Variants in SLC9A7 observed in about 807,000 individuals in gnomAD.
SLC9A7 encodes solute carrier family 9 member A7.
SLC9A7 carries 19 observed loss-of-function variants against 52.6 expected under a neutral mutation model. That is an observed-to-expected ratio of 0.36 (90% CI 0.25 to 0.53). SLC9A7 has a LOEUF of 0.53. Among genes scored for constraint, SLC9A7 ranks in the 20% least tolerant of loss-of-function variants. The pLI is 0.91. For synonymous variants in SLC9A7, 226 were observed against 252.1 expected (o/e 0.90, Z 0.98); for missense variants, 455 against 597.9 (o/e 0.76, Z 2.49).
intron 1 of SLC9A7, among the ~76,000 whole-genome samples, chrX:46,749,024 A>G (rs989539804): frequency 8.9e-6 from 1 of 112,138 alleles, no homozygotes; most frequent in Non-Finnish European, 1.9e-5. Context: ...TTTTCTGCAA[A>G]CACACATTAT....
chrX:46,698,667 C>T (rs1944484868), intron 1 of SLC9A7, among the ~76,000 whole-genome samples: 1 of 112,109 alleles, frequency 8.9e-6, no homozygotes, highest in African/African-American at 3.2e-5. Flanking sequence ...TTAGCTATTA[C>T]CATGGATTTA....
Position 46,675,981 on chromosome X carries a change from C to T in SLC9A7, c.604-3354G>A, listed in dbSNP as rs1944112129. 2.7e-5 allele frequency among the ~76,000 whole-genome samples: 3 copies of T among 112,193 alleles called. No individual in the cohort carries two copies. The South Asian group carries it at 1.1e-3, about 42-fold the overall frequency. On this transcript the variant is annotated intron_variant, in intron 3 of 16. Transcript: ENST00000616978. ...ATGGAGGTTCCTGGACGGTGGTGTC[C>T]CGGGAGGGCATGGAAGTTCCGTGCC...
intron 5 of SLC9A7, among the ~76,000 whole-genome samples, 157 bp from the exon 6 acceptor site, chrX:46,662,800 T>A (rs1459059687): frequency 1.8e-5 from 2 of 111,921 alleles, no homozygotes; most frequent in African/African-American, 6.5e-5. Flanking sequence ...GTGGCAGAAA[T>A]GAAAACCGCA....
chrX:46,632,526 T>TC (rs748453629), intron 13 of SLC9A7, among the ~76,000 whole-genome samples: 1 of 111,219 alleles, frequency 9.0e-6, no homozygotes, highest in African/African-American at 3.3e-5. Context: ...GGATTCTTCA[T>TC]CCCCCCACAA....
chrX:46,611,617 C>G (rs773591311), intron 16 of SLC9A7, among the ~76,000 whole-genome samples: 26 of 112,944 alleles, frequency 2.3e-4, no homozygotes, highest in African/African-American at 8.0e-4. Context: ...AGTAGCCCAG[C>G]TGAGTTTCCC....
Position 46,607,184 on chromosome X carries a change from T to G in SLC9A7, c.1949A>C (p.Glu650Ala), listed in dbSNP as rs905020086. ...GGTCAGGATGAAATCAGAGTCTTCCTCTCTCAGTGGCTCTTGGTTCTGAAA... is the reference window on the plus strand; with the variant it reads ...GGTCAGGATGAAATCAGAGTCTTCCGCTCTCAGTGGCTCTTGGTTCTGAAA... ...QVYDNQEPLR[E>A]EDSDFILTEG... The change falls in exon 17 of 17, where the codon GAG becomes GCG. Residue 650 changes from glutamate to alanine, a missense_variant. Coordinates refer to ENST00000616978, the MANE Select transcript of SLC9A7 (RefSeq NM_001257291.2). 2.5e-6 allele frequency: 3 copies of G among 1,208,111 alleles called. No individual in the cohort carries two copies. The African/African-American group carries it at 5.3e-5, about 21-fold the overall frequency.
intron 1 of SLC9A7, among the ~76,000 whole-genome samples, chrX:46,734,665 A>G (rs1945093857): frequency 9.0e-6 from 1 of 111,681 alleles, no homozygotes; most frequent in African/African-American, 3.3e-5. Context: ...ACTCTTCTAC[A>G]AGAAATGGCC....
At chrX:46,691,524 C>A (rs1944380853) in intron 1 of SLC9A7, among the ~76,000 whole-genome samples, 1 of 112,025 alleles carries the variant, frequency 8.9e-6, no homozygotes, top group African/African-American at 3.2e-5. Context: ...CTGCTCATTT[C>A]TAAAATTGGG....
chrX:46,758,631 A>G, intron 1 of SLC9A7, 74 bp downstream of exon 1: 2 of 650,882 alleles, frequency 3.1e-6, no homozygotes, highest in Non-Finnish European at 4.4e-6. Flanking sequence ...GTGAAGGGGG[A>G]GCACCGCGCG....
chrX:46,620,661 C>G (rs1042024617), intron 15 of SLC9A7, among the ~76,000 whole-genome samples: 2 of 111,243 alleles, frequency 1.8e-5, no homozygotes, highest in African/African-American at 6.5e-5. Context: ...GACCACAGCA[C>G]GATTCATTGC....
intron 1 of SLC9A7, among the ~76,000 whole-genome samples, chrX:46,722,766 T>C (rs1944879656): frequency 8.9e-6 from 1 of 112,042 alleles, no homozygotes; most frequent in Non-Finnish European, 1.9e-5. Context: ...ACACAAGTTC[T>C]ATTGTGGGCT....
rs1172019530 is a variant in SLC9A7, at chrX:46,599,532, A to T, written c.*7420T>A. The stretch of plus-strand genomic sequence containing the variant: ...TTTAAAAAAAGAAAAGCTTTGAGAA[A>T]ATGTGTTAAATATCAGTAAAGGGCA... On this transcript the variant is annotated 3_prime_UTR_variant, in exon 17 of 17. Coordinates refer to ENST00000616978, the MANE Select transcript of SLC9A7 (RefSeq NM_001257291.2). 8.9e-6 allele frequency: 1 copy of T among 112,212 alleles called. No individual in the cohort carries two copies. Among genetic ancestry groups the T allele is most frequent in the Non-Finnish European group, 1.9e-5 (1 of 53,294 alleles). 9.2% of individuals were successfully genotyped at this position (112,212 alleles called of 1,213,427 possible).
chrX:46,636,572 A>C (rs1313930692), intron 12 of SLC9A7, among the ~76,000 whole-genome samples: 1 of 109,943 alleles, frequency 9.1e-6, no homozygotes, highest in African/African-American at 3.3e-5. Flanking sequence ...AAATCACTGC[A>C]CTGAACCACG....
chrX:46,730,000 A>G (rs1486139102), intron 1 of SLC9A7, among the ~76,000 whole-genome samples: 2 of 111,738 alleles, frequency 1.8e-5, no homozygotes, highest in Non-Finnish European at 3.8e-5. Flanking sequence ...TAAAATAGTT[A>G]TTCAGTAGCT....
chrX:46,666,159 T>C (rs1199886624), intron 5 of SLC9A7, among the ~76,000 whole-genome samples: 5 of 111,944 alleles, frequency 4.5e-5, no homozygotes, highest in Non-Finnish European at 9.4e-5. Flanking sequence ...CAGGCTGGAG[T>C]GCAGTGGTGC....
At chrX:46,709,789 T>C (rs757220018) in intron 1 of SLC9A7, among the ~76,000 whole-genome samples, 1 of 112,359 alleles carries the variant, frequency 8.9e-6, no homozygotes, top group African/African-American at 3.2e-5. Flanking sequence ...GTTTATACTA[T>C]AGCAGTGGGG....
At chrX:46,641,439 G>A (rs1943404328) in intron 12 of SLC9A7, among the ~76,000 whole-genome samples, 1 of 111,976 alleles carries the variant, frequency 8.9e-6, no homozygotes, top group African/African-American at 3.2e-5. Flanking sequence ...AGCATCCAGA[G>A]CATCTACTAG....
At chrX:46,662,500 T>C (rs767752908) in intron 6 of SLC9A7, 38 bp downstream of exon 6, 74 of 1,024,652 alleles carry the variant, frequency 7.2e-5, no homozygotes, top group Non-Finnish European at 9.7e-5. Context: ...TAGAGGAAAC[T>C]GGGGTGTCTC....
At chrX:46,687,938 T>C (rs1266573100) in intron 1 of SLC9A7, among the ~76,000 whole-genome samples, 1 of 112,321 alleles carries the variant, frequency 8.9e-6, no homozygotes, top group African/African-American at 3.2e-5. Flanking sequence ...ATACAATATG[T>C]AGCCTCTTGT....
Sources: allele counts gnomAD v4.1 joint callset (sites outside exome capture counted in the v4.1 genomes callset), GRCh38; gene constraint gnomAD v4.1.1; transcripts MANE v1.5; gene names NCBI Gene and HGNC (gene_info 2026-07-23, HGNC 2026-07-21).